The following SRGAP2 variants were observed in gnomAD, a reference collection of about 807,000 sequenced individuals.
The protein encoded by SRGAP2 is SLIT-ROBO Rho GTPase activating protein 2.
A neutral mutation model predicts 57.2 loss-of-function variants in SRGAP2; 15 were observed. That is an observed-to-expected ratio of 0.26 (90% CI 0.18 to 0.40). The LOEUF (loss-of-function observed/expected upper bound fraction) is 0.40, where lower values mean the gene tolerates loss of function less well. Ranked by LOEUF, SRGAP2 falls within the 10% of genes least tolerant of loss-of-function variation. The pLI is 1.00. For synonymous variants in SRGAP2, 249 were observed against 248.0 expected, an observed-to-expected ratio of 1.00 and a Z score of -0.04; for missense variants, 520 against 669.6, an observed-to-expected ratio of 0.78 and a Z score of 2.47.
intron 3 of SRGAP2, among the ~76,000 whole-genome samples, chr1:206,307,905 T>C (rs1220130578): frequency 2.0e-5 from 3 of 151,974 alleles, no homozygotes; most frequent in African/African-American, 7.3e-5. Flanking sequence ...GCTCCCACAG[T>C]GCAGGGGGGG....
Position 206,461,104 on chromosome 1 carries a change from A to G in SRGAP2, c.2900A>G (p.Lys967Arg). 1.3e-6 allele frequency: 1 copy of G among 775,978 alleles called. No individual in the cohort carries two copies. Among genetic ancestry groups the G allele is most frequent in the Non-Finnish European group, 2.4e-6 (1 of 414,650 alleles). 48.1% of individuals were successfully genotyped at this position (775,978 alleles called of 1,614,324 possible). Residue 967 changes from lysine to arginine, a missense_variant, in exon 23 of 23, where the codon AAA (lysine) becomes AGA (arginine). Transcript: ENST00000573034. Reference sequence around the variant, plus strand: ...GAACTAGAACGGCAGAGCAGTGTCAAACACACCCCTGACGTGGTTCTGGAC... The same window carrying G: ...GAACTAGAACGGCAGAGCAGTGTCAGACACACCCCTGACGTGGTTCTGGAC... ...LRELERQSSVKHTPDVVLDTL... is the reference protein window; with the variant it reads ...LRELERQSSVRHTPDVVLDTL...
rs1553380551 is a variant in SRGAP2 at position 206,461,224 on chromosome 1, C to T, written c.3020C>T (p.Ala1007Val). 2.6e-6 allele frequency: 2 copies of T among 780,716 alleles called. No homozygotes were observed. Among genetic ancestry groups the T allele is most frequent in the South Asian group, 2.7e-5 (2 of 74,614 alleles). The allele number at this position is 780,716 out of a possible 1,614,324, so 48.4% of individuals were successfully genotyped here. The change falls in exon 23 of 23, where the codon GCC becomes GTC. Residue 1007 changes from alanine to valine, a missense_variant. This residue lies in a region of SRGAP2 where 478 missense variants were observed against 373.6 expected (regional missense o/e 1.28). Transcript: ENST00000573034. ...CAGCTCCTCAAGGACCCCGAGCCCG[C>T]CTTCCAGCGCAGCGCCAGTACTGCT... is the stretch of plus-strand genomic sequence containing the variant. ...HTQLLKDPEP[A>V]FQRSASTAGD... is the part of the protein sequence containing the mutation.
chr1:206,386,171 T>TA (rs1656228058), intron 5 of SRGAP2, among the ~76,000 whole-genome samples: 1 of 152,184 alleles, frequency 6.6e-6, no homozygotes, highest in Non-Finnish European at 1.5e-5. Flanking sequence ...GGGGTGCTGC[T>TA]AAAATCCTAC....
intron 2 of SRGAP2, among the ~76,000 whole-genome samples, chr1:206,254,720 C>T (rs1180575589): frequency 1.3e-5 from 2 of 150,352 alleles, no homozygotes; most frequent in East Asian, 2.0e-4. Context: ...GTAGAGAACA[C>T]AGTTTGGGCT....
rs544672015 is a variant in SRGAP2 at position 206,411,680 on chromosome 1, C to A, written c.1357-4209C>A. ...GGATACTTAGGGTCTTGGGTTCACG[C>A]AGATTAAATCCAAGGCATAAGCAAC... On this transcript the variant is annotated intron_variant, in intron 10 of 22. Coordinates refer to ENST00000573034, the MANE Select transcript of SRGAP2 (RefSeq NM_015326.5). Among the ~76,000 whole-genome samples, 6 of 152,164 alleles carry A rather than the reference C, an allele frequency of 3.9e-5. No individual in the cohort carries two copies. The South Asian group carries it at 1.2e-3, about 32-fold the overall frequency.
At chr1:206,324,565 T>C (rs1201391361) in intron 3 of SRGAP2, among the ~76,000 whole-genome samples, 1 of 151,988 alleles carries the variant, frequency 6.6e-6, no homozygotes, top group Non-Finnish European at 1.5e-5. Context: ...ACTTTATCAC[T>C]GGGGGGTGCA....
intron 2 of SRGAP2, among the ~76,000 whole-genome samples, chr1:206,244,789 C>T (rs568066653): frequency 7.2e-5 from 11 of 152,098 alleles, no homozygotes; most frequent in African/African-American, 1.4e-4. Context: ...ATAGCCAGGG[C>T]GCCCCTCTTA....
intron 14 of SRGAP2, among the ~76,000 whole-genome samples, chr1:206,436,092 G>A (rs1394964789): frequency 7.2e-6 from 1 of 138,688 alleles, no homozygotes; most frequent in East Asian, 2.0e-4. Flanking sequence ...AGATTTTGGG[G>A]GGATTTTTTT....
At chr1:206,422,058 G>C (rs1205236466) in intron 13 of SRGAP2, among the ~76,000 whole-genome samples, 7 of 152,238 alleles carry the variant, frequency 4.6e-5, no homozygotes, top group Non-Finnish European at 1.0e-4. Context: ...AGACAGCAGG[G>C]AGGGCGGGTG....
intron 4 of SRGAP2, among the ~76,000 whole-genome samples, chr1:206,376,033 G>A (rs1655167023): frequency 6.7e-6 from 1 of 148,676 alleles, no homozygotes; most frequent in Non-Finnish European, 1.5e-5. Context: ...AGGTAGTGGG[G>A]AGCTCCTTCC....
At chr1:206,432,142 T>C (rs1429469347) in intron 14 of SRGAP2, among the ~76,000 whole-genome samples, 1 of 152,182 alleles carries the variant, frequency 6.6e-6, no homozygotes, top group Non-Finnish European at 1.5e-5. Context: ...TGCAGTAGCC[T>C]GAGGAAGACA....
chr1:206,324,320 A>G (rs1369784494), intron 3 of SRGAP2, among the ~76,000 whole-genome samples: 8 of 151,640 alleles, frequency 5.3e-5, no homozygotes, highest in Non-Finnish European at 8.8e-5. Context: ...TACTCTTTCT[A>G]TGTACTGATA....
At chr1:206,343,969 A>G (rs1260014552) in intron 4 of SRGAP2, among the ~76,000 whole-genome samples, 1 of 148,848 alleles carries the variant, frequency 6.7e-6, no homozygotes, top group Non-Finnish European at 1.5e-5. Context: ...GAAAAAGATT[A>G]TAGAGGGCTA....
chr1:206,437,031 C>G lies in SRGAP2; in HGVS notation c.1622C>G (p.Ala541Gly), dbSNP rs568372662. Residue 541 changes from alanine to glycine, a missense_variant, in exon 15 of 23, where the codon GCC becomes GGC. Transcript: ENST00000573034. ...GTGGAAGTGAATGACATCAAAAATG[C>G]CTTTGAGAGAGGTAAGGAAACAGTC... Reference protein sequence around the residue: ...SQVEVNDIKNAFERGEDPLAG... With the variant: ...SQVEVNDIKNGFERGEDPLAG... 1 of 780,634 alleles carries G rather than the reference C, an allele frequency of 1.3e-6. No individual in the cohort carries two copies. Among genetic ancestry groups the G allele is most frequent in the East Asian group, 2.4e-5 (1 of 41,242 alleles). 48.4% of individuals were successfully genotyped at this position (780,634 alleles called of 1,614,324 possible).
At chr1:206,362,340 G>GT (rs1553340769) in intron 4 of SRGAP2, among the ~76,000 whole-genome samples, 1 of 150,472 alleles carries the variant, frequency 6.6e-6, no homozygotes, top group East Asian at 2.0e-4. Flanking sequence ...ATGTAGTCAG[G>GT]TTAGGTTAGA....
chr1:206,360,734 G>A (rs1256424325), intron 4 of SRGAP2, among the ~76,000 whole-genome samples: 2 of 152,000 alleles, frequency 1.3e-5, no homozygotes, highest in Admixed American at 6.5e-5. Context: ...TGAGGGAAGT[G>A]TGTGGAAGAG....
At chr1:206,292,158 A>G (rs1181093250) in intron 2 of SRGAP2, among the ~76,000 whole-genome samples, 3 of 152,178 alleles carry the variant, frequency 2.0e-5, no homozygotes, top group South Asian at 2.1e-4. Context: ...TCACATAACT[A>G]TGTGAAGCTA....
intron 2 of SRGAP2, among the ~76,000 whole-genome samples, chr1:206,249,887 A>C (rs1255161894): frequency 1.4e-5 from 2 of 145,058 alleles, no homozygotes; most frequent in Admixed American, 1.4e-4. Flanking sequence ...AAGGGAAGGG[A>C]TTTTGTCTGT....
intron 13 of SRGAP2, among the ~76,000 whole-genome samples, chr1:206,427,735 C>T (rs1409175931): frequency 6.6e-6 from 1 of 152,198 alleles, no homozygotes. Context: ...AAAGCCCTTT[C>T]TAGTTAAGTT....
Sources: allele counts gnomAD v4.1 joint callset (sites outside exome capture counted in the v4.1 genomes callset), GRCh38; gene constraint gnomAD v4.1.1; regional missense constraint gnomAD v4.1.1; transcripts MANE v1.5; gene names NCBI Gene and HGNC (gene_info 2026-07-23, HGNC 2026-07-21).